The following RGS12 variants were observed in gnomAD, a reference collection of about 807,000 sequenced individuals.
RGS12 encodes the protein regulator of G-protein signaling 12.
RGS12 carries 66 observed loss-of-function variants against 120.1 expected under a neutral mutation model. That is an observed-to-expected ratio of 0.55 (90% CI 0.45 to 0.67). The LOEUF (loss-of-function observed/expected upper bound fraction) is 0.67. Ranked by LOEUF, RGS12 falls within the 30% of genes least tolerant of loss-of-function variation. The pLI is 0.00. For synonymous variants in RGS12, 827 were observed against 804.7 expected, an observed-to-expected ratio of 1.03 and a Z score of -0.47; for missense variants, 1,859 against 1,957.7, an observed-to-expected ratio of 0.95 and a Z score of 0.95.
intron 14 of RGS12, 134 bp from the exon 15 acceptor site, chr4:3,427,956 G>T: frequency 1.2e-6 from 1 of 829,884 alleles, no homozygotes; most frequent in East Asian, 2.4e-5. Flanking sequence ...AGGGCTGTGC[G>T]TGGTGAATAA....
chr4:3,419,651 C>T (rs993246297), intron 9 of RGS12: 18 of 151,874 alleles, frequency 1.2e-4, no homozygotes, highest in African/African-American at 4.4e-4. Flanking sequence ...ACACTCATCT[C>T]TACAAAAAAA....
At chr4:3,357,590 C>G (rs971079277) in intron 3 of RGS12, among the ~76,000 whole-genome samples, 1 of 151,652 alleles carries the variant, frequency 6.6e-6, no homozygotes, top group Non-Finnish European at 1.5e-5. Context: ...ATGTGGATAT[C>G]CTTTTCCCGG....
At chr4:3,335,414 C>T (rs1033039990) in intron 2 of RGS12, among the ~76,000 whole-genome samples, 4 of 152,138 alleles carry the variant, frequency 2.6e-5, no homozygotes, top group Non-Finnish European at 5.9e-5. Flanking sequence ...CCAGGTGTGC[C>T]GGTTACTCAG....
At chr4:3,391,453 G>T (rs373719730) in intron 4 of RGS12, among the ~76,000 whole-genome samples, 2 of 152,280 alleles carry the variant, frequency 1.3e-5, no homozygotes, top group African/African-American at 4.8e-5. Flanking sequence ...CAGAGTTAAC[G>T]TGTGCTAGCC....
chr4:3,420,784 C>G (rs190332203), intron 10 of RGS12, 66 bp downstream of exon 10: 148 of 1,298,224 alleles, frequency 1.1e-4, no homozygotes, highest in Non-Finnish European at 1.5e-4. Flanking sequence ...CTGATGACAC[C>G]TCTCTCCCAT....
At chr4:3,427,606 C>T (rs1042745775) in intron 14 of RGS12, among the ~76,000 whole-genome samples, 5 of 152,118 alleles carry the variant, frequency 3.3e-5, no homozygotes, top group African/African-American at 1.2e-4. Flanking sequence ...TGTGGTGGCA[C>T]ATGCCTGTAA....
rs753222766 is a variant in RGS12 at position 3,414,101 on chromosome 4, G to A, written c.2050G>A (p.Val684Ile). 2.0e-5 allele frequency: 31 copies of A among 1,572,778 alleles called. No individual in the cohort carries two copies. The highest frequency in any genetic ancestry group is 1.7e-4 in the Middle Eastern group (1 of 5,840). ...ELTGADLKDCVSNNSLSSNAS... is the reference protein window; with the variant it reads ...ELTGADLKDCISNNSLSSNAS... The stretch of plus-strand genomic sequence containing the variant: ...GACGGGCGCCGACCTGAAGGACTGC[G>A]TCAGCAACAACAGCCTGAGCAGCAA... Residue 684 changes from valine (V) to isoleucine (I), a missense_variant, in exon 5 of 18, where the codon GTC (valine) becomes ATC (isoleucine). By Grantham distance (29) the Val-to-Ile change is conservative. Around this residue, in one of 3 missense-constraint regions of RGS12, gnomAD observed 967 missense variants for 994.2 expected, o/e 0.97. Transcript: ENST00000336727.
Position 3,316,790 on chromosome 4 carries a change from C to T in RGS12, c.620C>T (p.Ser207Leu), listed in dbSNP as rs114466336. The T allele has an allele frequency of 7.8e-4, 1,254 of 1,614,180 alleles. 12 individuals are homozygous for T. In the African/African-American group the frequency reaches 0.014, roughly 18 times the overall value. Residue 207 changes from serine (S) to leucine (L), a missense_variant, in exon 2 of 18, where the codon TCG becomes TTG. Ser to Leu is a moderately radical substitution (Grantham distance 145). Transcript: ENST00000336727. ...ATATCAAAAGTTATTCATGATGATT[C>T]GGTTTTCAGCATTGGACTAGAAAGT... ...EEISKVIHDD[S>L]VFSIGLESHD...
intron 1 of RGS12, among the ~76,000 whole-genome samples, chr4:3,310,200 C>A: frequency 6.7e-6 from 1 of 149,826 alleles, no homozygotes; most frequent in Non-Finnish European, 1.5e-5. Context: ...CCGGGAATGG[C>A]AGGTGTCCGC....
At chr4:3,303,267 C>T (rs1723784328) in intron 1 of RGS12, among the ~76,000 whole-genome samples, 1 of 152,100 alleles carries the variant, frequency 6.6e-6, no homozygotes, top group Non-Finnish European at 1.5e-5. Flanking sequence ...AAGTGGGGTA[C>T]AGCGGGGAGT....
chr4:3,290,098 G>A (rs1722976990), upstream of RGS12, among the ~76,000 whole-genome samples: 1 of 152,132 alleles, frequency 6.6e-6, no homozygotes, highest in Non-Finnish European at 1.5e-5. Context: ...ATTGTGAGTG[G>A]TGCCGTGCTG....
intron 2 of RGS12, among the ~76,000 whole-genome samples, chr4:3,320,740 C>T (rs1266347509): frequency 6.6e-6 from 1 of 152,124 alleles, no homozygotes; most frequent in Non-Finnish European, 1.5e-5. Flanking sequence ...CCCATAGCCT[C>T]CCCAGTTAGA....
In RGS12 at chr4:3,417,101, C is replaced by T. The variant is rs1301463525; in HGVS notation, c.2607+9C>T. The T allele has an allele frequency of 1.3e-6, 2 of 1,588,762 alleles. No homozygotes were observed. On this transcript the variant is annotated intron_variant, in intron 8 of 17. Transcript: ENST00000336727. ...TGTCCACGCCAAAAAAGGTGACCTC[C>T]CCGAGGCTGGCCTCACGCCCCTGTG... is the stretch of plus-strand genomic sequence containing the variant.
intron 3 of RGS12, among the ~76,000 whole-genome samples, chr4:3,363,921 A>T (rs1011306631): frequency 1.3e-5 from 2 of 151,970 alleles, no homozygotes; most frequent in East Asian, 1.9e-4. Context: ...CAGTGCCGGG[A>T]TGGGGAGGGC....
intron 4 of RGS12, among the ~76,000 whole-genome samples, chr4:3,408,543 G>A (rs1481496184): frequency 1.3e-5 from 2 of 152,328 alleles, no homozygotes; most frequent in East Asian, 1.9e-4. Context: ...CCGGGTGGAC[G>A]TTTTCCGGTA....
At chr4:3,412,346 G>T (rs1004075606) in intron 4 of RGS12, among the ~76,000 whole-genome samples, 2 of 152,222 alleles carry the variant, frequency 1.3e-5, no homozygotes, top group Non-Finnish European at 2.9e-5. Flanking sequence ...GCCTCTGCCT[G>T]TCGCCTACAG....
chr4:3,323,866 TGTGTGTGAGA>T (rs1336547363), intron 2 of RGS12: 2 of 71,516 alleles, frequency 2.8e-5, no homozygotes, highest in African/African-American at 1.3e-4. Flanking sequence ...TGTGTGTGTG[TGTGTGTGAGA>T]GAGAGAGAGA....
In RGS12 at chr4:3,343,019, G is replaced by A; in HGVS notation, c.1964G>A (p.Arg655Lys). Residue 655 changes from arginine (R) to lysine (K), a missense_variant, in exon 3 of 18, where the codon AGA becomes AAA. By Grantham distance (26) the Arg-to-Lys change is conservative. Coordinates refer to ENST00000336727, the MANE Select transcript of RGS12 (RefSeq NM_001394154.1). ...CGGAGATCATTTGGGAGATCCAAGA[G>A]ATTCAGTATCACTCGCTCCCTTGAT... ...SARRSFGRSK[R>K]FSITRSLDDL... The A allele has an allele frequency of 6.2e-7, 1 of 1,613,170 alleles. No individual in the cohort carries two copies.
Position 3,316,429 on chromosome 4 carries a change from T to G in RGS12, c.259T>G (p.Cys87Gly). 6.2e-7 allele frequency: 1 copy of G among 1,614,144 alleles called. No individual in the cohort carries two copies. The highest frequency in any genetic ancestry group is 8.5e-7 in the Non-Finnish European group (1 of 1,180,038). The change falls in exon 2 of 18, where the codon TGC becomes GGC. Residue 87 changes from cysteine to glycine, a missense_variant. Cys to Gly is a radical substitution (Grantham distance 159). Around this residue, in one of 3 missense-constraint regions of RGS12, gnomAD observed 967 missense variants for 994.2 expected, o/e 0.97. Coordinates refer to ENST00000336727, the MANE Select transcript of RGS12 (RefSeq NM_001394154.1). ...HEDVVKLIGK[C>G]SGVLHMVIAE... ...AGATGTAGTGAAATTAATTGGGAAG[T>G]GCTCTGGTGTCCTTCACATGGTGAT...
Sources: allele counts gnomAD v4.1 joint callset (sites outside exome capture counted in the v4.1 genomes callset), GRCh38; gene constraint gnomAD v4.1.1; regional missense constraint gnomAD v4.1.1; transcripts MANE v1.5; gene names NCBI Gene and HGNC (gene_info 2026-07-23, HGNC 2026-07-21).